LRRFIP1: variants seen among roughly 807,000 people sequenced by gnomAD.
LRRFIP1 encodes the protein leucine-rich repeat flightless-interacting protein 1.
In LRRFIP1, 62 loss-of-function variants were observed where a neutral mutation model predicts 104.4. That is an observed-to-expected ratio of 0.59 (90% CI 0.48 to 0.73). The LOEUF (loss-of-function observed/expected upper bound fraction) is 0.73. Ranked by LOEUF, LRRFIP1 falls within the 30% of genes least tolerant of loss-of-function variation. The pLI is 0.00. For missense variants in LRRFIP1, 796 were observed against 824.5 expected (o/e 0.97, Z 0.42); for synonymous variants, 300 against 299.0 (o/e 1.00, Z -0.03).
At chr2:237,701,879 G>A (rs1389701373) in intron 1 of LRRFIP1, among the ~76,000 whole-genome samples, 1 of 152,214 alleles carries the variant, frequency 6.6e-6, no homozygotes, top group Admixed American at 6.5e-5. Flanking sequence ...GTCTTCTGCA[G>A]GCCTCTCCAG....
intron 1 of LRRFIP1, among the ~76,000 whole-genome samples, chr2:237,653,021 T>G (rs1174748469): frequency 2.6e-5 from 4 of 152,162 alleles, no homozygotes; most frequent in Non-Finnish European, 5.9e-5. Context: ...CACTTCCCCC[T>G]TCACTCTCTC....
At chr2:237,753,004 T>A (rs1357843598) in intron 14 of LRRFIP1, among the ~76,000 whole-genome samples, 1 of 152,240 alleles carries the variant, frequency 6.6e-6, no homozygotes, top group African/African-American at 2.4e-5. Flanking sequence ...CCCCAGCTAC[T>A]GAGTGGGGCC....
intron 1 of LRRFIP1, among the ~76,000 whole-genome samples, chr2:237,671,376 A>G (rs1053741957): frequency 2.0e-5 from 3 of 152,208 alleles, no homozygotes; most frequent in Non-Finnish European, 4.4e-5. Context: ...CACAAATGCT[A>G]ATTTGCTTGT....
At chr2:237,761,678 C>T (rs1348699489) in intron 19 of LRRFIP1, among the ~76,000 whole-genome samples, 3 of 152,124 alleles carry the variant, frequency 2.0e-5, no homozygotes, top group Non-Finnish European at 4.4e-5. Context: ...AAAATATATG[C>T]AAAGATATGC....
At chr2:237,655,736 G>A (rs1290764854) in intron 1 of LRRFIP1, among the ~76,000 whole-genome samples, 1 of 152,188 alleles carries the variant, frequency 6.6e-6, no homozygotes, top group Non-Finnish European at 1.5e-5. Context: ...TGTATTCTCT[G>A]TAGAAAACAA....
Position 237,661,075 on chromosome 2 carries a change from C to T in LRRFIP1, c.96+33335C>T, listed in dbSNP as rs2087838321. ...GAAACTAACATGCCATCTCTGCTCT[C>T]CCACCGCTTCCTGGGTTGGGCTGCG... is the stretch of plus-strand genomic sequence containing the variant. On this transcript the variant is annotated intron_variant, in intron 1 of 23. Coordinates refer to ENST00000308482, the MANE Select transcript of LRRFIP1 (RefSeq NM_001137550.2). The surrounding 1 kb of genome is among the most constrained non-coding windows in gnomAD (Gnocchi z 4.4). Among the ~76,000 whole-genome samples, 1 of 152,080 alleles carries T rather than the reference C, an allele frequency of 6.6e-6. No homozygotes were observed. The highest frequency in any genetic ancestry group is 6.5e-5 in the Admixed American group (1 of 15,280).
intron 11 of LRRFIP1, among the ~76,000 whole-genome samples, chr2:237,747,269 T>A (rs3769065): frequency 0.027 from 4,131 of 152,300 alleles, 62 homozygotes; most frequent in Middle Eastern, 0.11. Flanking sequence ...TGTTTTAGTG[T>A]TGCTCCAGGT....
intron 11 of LRRFIP1, among the ~76,000 whole-genome samples, chr2:237,746,900 T>A (rs943629753): frequency 2.0e-5 from 3 of 152,212 alleles, no homozygotes; most frequent in African/African-American, 7.2e-5. Context: ...AAAGGGCTTA[T>A]TTAGCAAAGA....
chr2:237,774,988 G>T (rs529398970), intron 23 of LRRFIP1, among the ~76,000 whole-genome samples: 3 of 152,236 alleles, frequency 2.0e-5, no homozygotes, highest in Non-Finnish European at 2.9e-5. Context: ...CCTTACTGAA[G>T]ACACTTGGCA....
chr2:237,645,361 C>G (rs1186926925), intron 1 of LRRFIP1, among the ~76,000 whole-genome samples: 1 of 152,120 alleles, frequency 6.6e-6, no homozygotes, highest in East Asian at 1.9e-4. Context: ...TGTGTTCCTT[C>G]CCTCCTCACT....
At chr2:237,748,436 G>A (rs916090840) in intron 12 of LRRFIP1, 37 bp downstream of exon 12, 2 of 1,544,896 alleles carry the variant, frequency 1.3e-6, no homozygotes, top group Admixed American at 2.1e-5. Context: ...GGTCCCAAAA[G>A]TTGTGGATGA....
At chr2:237,708,489 T>TACTG (rs1462588378) in intron 1 of LRRFIP1, 55 bp from the exon 2 acceptor site, 1 of 1,347,972 alleles carries the variant, frequency 7.4e-7, no homozygotes. Context: ...GCTGACCCTG[T>TACTG]ACTGGGAAGG....
At position 237,629,878 on chromosome 2, in the gene LRRFIP1, TAC is replaced by T. The variant is rs571623091; in HGVS notation, c.96+2140_96+2141del. 2.0e-3 allele frequency among the ~76,000 whole-genome samples: 311 copies of T among 152,276 alleles called. 2 individuals are homozygous for T. The highest frequency in any genetic ancestry group is 6.7e-3 in the African/African-American group (277 of 41,552). ...CCACCGAGGGAGATGCAGTTGGAGT[TAC>T]AGAGATAGACTTGTGAGTCAGAGCT... On this transcript the variant is annotated intron_variant, in intron 1 of 23. Transcript: ENST00000308482.
Position 237,758,805 on chromosome 2 carries a change from T to C in LRRFIP1, c.1301T>C (p.Leu434Pro). 1.9e-6 allele frequency: 3 copies of C among 1,611,936 alleles called. No individual in the cohort carries two copies. The highest frequency in any genetic ancestry group is 1.1e-5 in the South Asian group (1 of 90,590). The change falls in exon 18 of 24, where the codon CTG (leucine) becomes CCG (proline). Residue 434 changes from leucine to proline, a missense_variant. Coordinates refer to ENST00000308482, the MANE Select transcript of LRRFIP1 (RefSeq NM_001137550.2). ...GATCTTAGAGAAGAAGTAGTCATGCTGAAAGAGGAATTAAAGGTATGAAGC... is the reference window on the plus strand; with the variant it reads ...GATCTTAGAGAAGAAGTAGTCATGCCGAAAGAGGAATTAAAGGTATGAAGC... ...RDDLREEVVMLKEELKKHGII... is the reference protein window; with the variant it reads ...RDDLREEVVMPKEELKKHGII...
At chr2:237,772,501 A>AC (rs1393454484) in intron 21 of LRRFIP1, 3 of 434,192 alleles carry the variant, frequency 6.9e-6, no homozygotes, top group Non-Finnish European at 1.2e-5. Context: ...TTGTATGAAA[A>AC]AAAAAAAATG....
At chr2:237,653,861 T>C (rs994314985) in intron 1 of LRRFIP1, among the ~76,000 whole-genome samples, 10 of 152,200 alleles carry the variant, frequency 6.6e-5, no homozygotes, top group African/African-American at 2.2e-4. Flanking sequence ...ACTCAAAATG[T>C]ATTAAAGACT....
At chr2:237,748,251 T>G in intron 11 of LRRFIP1, 113 bp from the exon 12 acceptor site, 1 of 865,170 alleles carries the variant, frequency 1.2e-6, no homozygotes, top group Non-Finnish European at 1.9e-6. Flanking sequence ...GCTTCTAAAT[T>G]ACAAAGGAAG....
chr2:237,683,163 C>T (rs2092015876), intron 1 of LRRFIP1, among the ~76,000 whole-genome samples: 1 of 152,172 alleles, frequency 6.6e-6, no homozygotes, highest in Non-Finnish European at 1.5e-5. Flanking sequence ...CCAAAAAGCC[C>T]GACAGCACAT....
chr2:237,630,752 G>A (rs1327668407), intron 1 of LRRFIP1, among the ~76,000 whole-genome samples: 3 of 152,244 alleles, frequency 2.0e-5, no homozygotes, highest in African/African-American at 7.2e-5. Context: ...AGCCTCACCA[G>A]TGGCTCCGGC....
Sources: allele counts gnomAD v4.1 joint callset (sites outside exome capture counted in the v4.1 genomes callset), GRCh38; gene constraint gnomAD v4.1.1; non-coding constraint Gnocchi (gnomAD v3.1); transcripts MANE v1.5; gene names NCBI Gene and HGNC (gene_info 2026-07-23, HGNC 2026-07-21).